SLC24A2: variants seen among roughly 807,000 people sequenced by gnomAD.
SLC24A2 encodes the protein sodium/potassium/calcium exchanger 2.
SLC24A2 carries 36 observed loss-of-function variants against 62.0 expected under a neutral mutation model. The observed-to-expected ratio is 0.58, with a 90% CI of 0.44 to 0.77. SLC24A2 has a LOEUF of 0.77. Ranked by LOEUF, SLC24A2 falls within the 30% of genes least tolerant of loss-of-function variation. The pLI is 0.00. For synonymous variants in SLC24A2, 358 were observed against 294.0 expected (o/e 1.22, Z -2.23); for missense variants, 846 against 817.9 (o/e 1.03, Z -0.42).
the SLC24A2 span, among the ~76,000 whole-genome samples, chr9:19,892,844 G>A: frequency 2.9e-3 from 437 of 152,230 alleles, 8 homozygotes; most frequent in Admixed American, 0.026. Flanking sequence ...ACCCAGTCTG[G>A]CTGTCAATAA....
chr9:20,181,574 G>T, the SLC24A2 span, among the ~76,000 whole-genome samples: 2 of 152,186 alleles, frequency 1.3e-5, no homozygotes, highest in African/African-American at 2.4e-5. Context: ...GGGAAAATTG[G>T]CTACCGTGTG....
chr9:19,534,467 C>A (rs1330537431), intron 8 of SLC24A2, among the ~76,000 whole-genome samples: 1 of 152,094 alleles, frequency 6.6e-6, no homozygotes, highest in Non-Finnish European at 1.5e-5. Flanking sequence ...ATCAACCTGT[C>A]ACCTACATTA....
chr9:20,108,053 C>T, the SLC24A2 span, among the ~76,000 whole-genome samples: 2 of 152,206 alleles, frequency 1.3e-5, no homozygotes, highest in Non-Finnish European at 2.9e-5. Context: ...TGAACAGACA[C>T]TTCACAAAAG....
At chr9:19,636,501 G>C (rs992728030) in intron 2 of SLC24A2, among the ~76,000 whole-genome samples, 1 of 147,586 alleles carries the variant, frequency 6.8e-6, no homozygotes, top group African/African-American at 2.5e-5. Flanking sequence ...GTGTGATCTC[G>C]GCTCACTACA....
At chr9:19,702,792 G>A (rs1327149995) in intron 2 of SLC24A2, among the ~76,000 whole-genome samples, 1 of 152,092 alleles carries the variant, frequency 6.6e-6, no homozygotes, top group Non-Finnish European at 1.5e-5. Flanking sequence ...TATTTAAAAA[G>A]TGAACTTCAT....
At chr9:20,075,462 C>T in the SLC24A2 span, among the ~76,000 whole-genome samples, 5 of 152,168 alleles carry the variant, frequency 3.3e-5, no homozygotes, top group Non-Finnish European at 5.9e-5. Flanking sequence ...GCTTTTACAT[C>T]ACCCCTAACT....
intron 8 of SLC24A2, among the ~76,000 whole-genome samples, chr9:19,549,043 G>A (rs1834716587): frequency 6.6e-6 from 1 of 152,222 alleles, no homozygotes; most frequent in Non-Finnish European, 1.5e-5. Context: ...TTCAACAACA[G>A]TGGGTGGGTG....
chr9:19,876,493 CCTT>C, the SLC24A2 span, among the ~76,000 whole-genome samples: 1 of 151,608 alleles, frequency 6.6e-6, no homozygotes, highest in South Asian at 2.1e-4. Context: ...TTCTTTACAG[CCTT>C]CTTCTGGTTA....
chr9:20,291,963 C>T, the SLC24A2 span, among the ~76,000 whole-genome samples: 2 of 152,084 alleles, frequency 1.3e-5, no homozygotes, highest in African/African-American at 4.8e-5. Context: ...AAAGCAGGGC[C>T]ATTTCAAAAG....
the SLC24A2 span, among the ~76,000 whole-genome samples, chr9:19,880,860 A>G: frequency 2.6e-5 from 4 of 152,144 alleles, no homozygotes. Context: ...CAGGATGTAG[A>G]GGTATAATTT....
At chr9:19,800,871 C>G in the SLC24A2 span, among the ~76,000 whole-genome samples, 2 of 152,184 alleles carry the variant, frequency 1.3e-5, no homozygotes, top group Non-Finnish European at 2.9e-5. Flanking sequence ...ATCTGTGTCT[C>G]TCTTTCATGA....
rs539218853 is a variant in SLC24A2 at position 19,544,532 on chromosome 9, C to T, written c.1479+5605G>A. On this transcript the variant is annotated intron_variant, in intron 8 of 10. Coordinates refer to ENST00000341998, the MANE Select transcript of SLC24A2 (RefSeq NM_020344.4). ...GTTGTTTCTTTATAGTGTTGATGGT[C>T]TTTACAATTTGGTATGTTTTTGCAG... is the stretch of plus-strand genomic sequence containing the variant. Among the ~76,000 whole-genome samples, 110 of 152,212 alleles carry T rather than the reference C, an allele frequency of 7.2e-4. 3 individuals are homozygous for T. The South Asian group carries it at 0.022, about 31-fold the overall frequency.
the SLC24A2 span, among the ~76,000 whole-genome samples, chr9:19,950,433 A>T: frequency 1.3e-5 from 2 of 152,100 alleles, no homozygotes; most frequent in Non-Finnish European, 2.9e-5. Context: ...AGACTTTGTA[A>T]CCACAGGAAA....
At chr9:20,203,851 A>G in the SLC24A2 span, among the ~76,000 whole-genome samples, 4 of 152,328 alleles carry the variant, frequency 2.6e-5, no homozygotes, top group African/African-American at 9.6e-5. Context: ...TGGTATATGC[A>G]TATCAGCAGA....
chr9:19,973,157 A>G, the SLC24A2 span, among the ~76,000 whole-genome samples: 1 of 152,176 alleles, frequency 6.6e-6, no homozygotes, highest in Non-Finnish European at 1.5e-5. Context: ...GGGCAACACA[A>G]TGAGAACCCC....
At chr9:19,915,463 T>C in the SLC24A2 span, among the ~76,000 whole-genome samples, 3 of 152,204 alleles carry the variant, frequency 2.0e-5, no homozygotes, top group South Asian at 2.1e-4. Context: ...TATAGAATTG[T>C]AGGGTCATAC....
chr9:20,285,886 C>T, the SLC24A2 span, among the ~76,000 whole-genome samples: 1 of 152,154 alleles, frequency 6.6e-6, no homozygotes. Context: ...AAGTGGCCAT[C>T]AGCAAGCCAA....
chr9:20,259,110 C>T, the SLC24A2 span, among the ~76,000 whole-genome samples: 23,399 of 151,860 alleles, frequency 0.15, 2,658 homozygotes, highest in East Asian at 0.52. Flanking sequence ...AGGAAGGAAC[C>T]ATAAGCCAAG....
the SLC24A2 span, among the ~76,000 whole-genome samples, chr9:19,896,675 G>C: frequency 5.9e-5 from 9 of 152,236 alleles, no homozygotes; most frequent in South Asian, 2.1e-4. Flanking sequence ...ATTTGAACCA[G>C]GTCAGTCTGA....
Sources: allele counts gnomAD v4.1 joint callset (sites outside exome capture counted in the v4.1 genomes callset), GRCh38; gene constraint gnomAD v4.1.1; transcripts MANE v1.5; gene names NCBI Gene and HGNC (gene_info 2026-07-23, HGNC 2026-07-21).